USH2A: variants seen among roughly 807,000 people sequenced by gnomAD.
USH2A encodes usherin.
USH2A carries 443 observed loss-of-function variants against 538.9 expected under a neutral mutation model. The observed-to-expected ratio is 0.82, with a 90% CI of 0.76 to 0.89. USH2A has a LOEUF of 0.89. Ranked by LOEUF, USH2A falls within the 40% of genes least tolerant of loss-of-function variation. USH2A has a pLI of 0.00. For missense variants in USH2A, 6,633 were observed against 6,324.8 expected, an observed-to-expected ratio of 1.05 and a Z score of -1.65; for synonymous variants, 2,413 against 2,273.5, an observed-to-expected ratio of 1.06 and a Z score of -1.75.
At chr1:216,386,461 G>T (rs779645556) in intron 3 of USH2A, among the ~76,000 whole-genome samples, 5 of 150,554 alleles carry the variant, frequency 3.3e-5, no homozygotes, top group Non-Finnish European at 7.4e-5. Context: ...ACTCCAGCCT[G>T]GGCGACAGAG....
At chr1:215,627,405 C>CTTCT (rs1656072711) in intron 71 of USH2A, among the ~76,000 whole-genome samples, 1 of 95,918 alleles carries the variant, frequency 1.0e-5, no homozygotes, top group African/African-American at 4.1e-5. Flanking sequence ...TCCTTCCTTC[C>CTTCT]TTCCTTCCTT....
chr1:216,246,603 A>T lies in USH2A; in HGVS notation c.2791T>A (p.Cys931Ser), dbSNP rs571010200. 6.2e-7 allele frequency: 1 copy of T among 1,614,082 alleles called. No homozygotes were observed. Among genetic ancestry groups the T allele is most frequent in the East Asian group, 2.2e-5 (1 of 44,868 alleles). Residue 931 changes from cysteine to serine, a missense_variant, in exon 13 of 72, where the codon TGT (cysteine) becomes AGT (serine). Physicochemically the swap from Cys to Ser is moderately radical, Grantham distance 112. Coordinates refer to ENST00000307340, the MANE Select transcript of USH2A (RefSeq NM_206933.4). Reference protein sequence around the residue: ...LCVPNRQGRRCNQCQPGFYIS... With the variant: ...LCVPNRQGRRSNQCQPGFYIS... ...TTCTTACCTGGTTGACACTGATTAC[A>T]CCTTCTTCCTTGACGATTAGGCACA...
At chr1:216,239,562 T>A (rs1053729800) in intron 13 of USH2A, among the ~76,000 whole-genome samples, 1 of 152,194 alleles carries the variant, frequency 6.6e-6, no homozygotes, top group Non-Finnish European at 1.5e-5. Context: ...AGAGAGTTCA[T>A]GGACATTATA....
rs557711733 is a variant in USH2A, at chr1:215,649,575, A to G, written c.14344-809T>C. Among the ~76,000 whole-genome samples the G allele has an allele frequency of 2.8e-3, 423 of 152,350 alleles. 3 individuals are homozygous for G. The highest frequency in any genetic ancestry group is 9.9e-3 in the African/African-American group (410 of 41,586). Reference sequence around the variant, plus strand: ...AGGGTTGATTGTATTTACATCATCTATATTTATTGAGTACGAAGCCCTATA... The same window carrying G: ...AGGGTTGATTGTATTTACATCATCTGTATTTATTGAGTACGAAGCCCTATA... On this transcript the variant is annotated intron_variant, in intron 65 of 71. Transcript: ENST00000307340.
chr1:215,853,796 G>A (rs1371557683), intron 44 of USH2A, among the ~76,000 whole-genome samples: 3 of 152,112 alleles, frequency 2.0e-5, no homozygotes, highest in Non-Finnish European at 1.5e-5. Flanking sequence ...CTTTGTTCCA[G>A]TTCCCAACAA....
At chr1:216,163,288 C>T (rs556698286) in intron 21 of USH2A, among the ~76,000 whole-genome samples, 65 of 151,800 alleles carry the variant, frequency 4.3e-4, no homozygotes, top group African/African-American at 1.5e-3. Flanking sequence ...TAATATATTC[C>T]CATTTGCTAC....
intron 3 of USH2A, among the ~76,000 whole-genome samples, chr1:216,371,748 T>C (rs1306889782): frequency 1.3e-5 from 2 of 152,146 alleles, no homozygotes; most frequent in Non-Finnish European, 2.9e-5. Flanking sequence ...TGAGCATGCT[T>C]TACCTGCTGG....
chr1:215,793,268 A>G (rs941911338), intron 50 of USH2A, among the ~76,000 whole-genome samples: 52 of 152,252 alleles, frequency 3.4e-4, no homozygotes, highest in African/African-American at 1.2e-3. Context: ...TGAGATAAAA[A>G]TAGTATAGTA....
At chr1:215,718,552 A>T (rs1659553234) in intron 61 of USH2A, among the ~76,000 whole-genome samples, 1 of 152,184 alleles carries the variant, frequency 6.6e-6, no homozygotes, top group African/African-American at 2.4e-5. Context: ...TCTTGCTCTA[A>T]TGCAATTCCC....
At chr1:215,693,836 C>A (rs540734086) in intron 61 of USH2A, among the ~76,000 whole-genome samples, 1 of 152,088 alleles carries the variant, frequency 6.6e-6, no homozygotes, top group Non-Finnish European at 1.5e-5. Context: ...CCTGGCAGAG[C>A]CCCTGAAAGA....
chr1:215,735,056 T>C (rs1358866971), intron 60 of USH2A, among the ~76,000 whole-genome samples: 2 of 152,234 alleles, frequency 1.3e-5, no homozygotes, highest in African/African-American at 2.4e-5. Context: ...TGTTCTTGTG[T>C]TGCAATAAAG....
chr1:216,313,969 T>A (rs1052828220), intron 9 of USH2A, among the ~76,000 whole-genome samples: 1 of 152,190 alleles, frequency 6.6e-6, no homozygotes, highest in South Asian at 2.1e-4. Flanking sequence ...TTGGTGATTA[T>A]CAGATTTCTG....
chr1:215,936,502 AATG>A (rs1666501138), intron 37 of USH2A, among the ~76,000 whole-genome samples: 1 of 152,002 alleles, frequency 6.6e-6, no homozygotes, highest in African/African-American at 2.4e-5. Flanking sequence ...GTGAACTGGG[AATG>A]ATAATACAGT....
intron 38 of USH2A, among the ~76,000 whole-genome samples, chr1:215,921,188 A>G (rs1666089365): frequency 6.6e-6 from 1 of 152,080 alleles, no homozygotes; most frequent in African/African-American, 2.4e-5. Context: ...CACAATTTAT[A>G]ATAATTTATA....
intron 21 of USH2A, among the ~76,000 whole-genome samples, chr1:216,120,456 T>G (rs1458040006): frequency 6.6e-6 from 1 of 151,754 alleles, no homozygotes; most frequent in Non-Finnish European, 1.5e-5. Flanking sequence ...CTCAGCTCAC[T>G]GCAAGCTCCG....
intron 34 of USH2A, among the ~76,000 whole-genome samples, chr1:215,994,536 T>C (rs1306865916): frequency 2.0e-5 from 3 of 152,132 alleles, no homozygotes; most frequent in Admixed American, 2.0e-4. Context: ...CAATAGCCCA[T>C]GTCTTCAGGA....
chr1:216,265,808 A>G (rs2036460967), intron 11 of USH2A, among the ~76,000 whole-genome samples: 1 of 152,070 alleles, frequency 6.6e-6, no homozygotes, highest in Non-Finnish European at 1.5e-5. Flanking sequence ...AGAAAGATAA[A>G]TATTACCTGT....
At chr1:216,075,116 G>C (rs1437454959) in intron 27 of USH2A, among the ~76,000 whole-genome samples, 2 of 152,128 alleles carry the variant, frequency 1.3e-5, no homozygotes, top group Non-Finnish European at 2.9e-5. Context: ...AGCCCAGGGA[G>C]ATACATCTTT....
intron 36 of USH2A, 75 bp downstream of exon 36, chr1:215,970,544 TCACCGC>T: frequency 1.3e-6 from 2 of 1,579,704 alleles, no homozygotes; most frequent in Non-Finnish European, 1.7e-6. Flanking sequence ...AGAGGGTGAG[TCACCGC>T]CACTTACTTC....
Sources: allele counts gnomAD v4.1 joint callset (sites outside exome capture counted in the v4.1 genomes callset), GRCh38; gene constraint gnomAD v4.1.1; transcripts MANE v1.5; gene names NCBI Gene and HGNC (gene_info 2026-07-23, HGNC 2026-07-21).